KIAA0825: variants seen among roughly 807,000 people sequenced by gnomAD.
The protein encoded by KIAA0825 is uncharacterized protein KIAA0825.
Under a neutral mutation model 147.6 loss-of-function variants are expected in KIAA0825, and 119 were observed. That is an observed-to-expected ratio of 0.81 (90% CI 0.69 to 0.94). KIAA0825 has a LOEUF of 0.94. Ranked by LOEUF, KIAA0825 falls within the 40% of genes least tolerant of loss-of-function variation. The pLI, the probability that KIAA0825 is intolerant of heterozygous loss-of-function variation, is 0.00. For synonymous variants in KIAA0825, 470 were observed against 518.1 expected (o/e 0.91, Z 1.26); for missense variants, 1,381 against 1,472.7 (o/e 0.94, Z 1.02).
In KIAA0825 at chr5:94,417,374, G is replaced by T; in HGVS notation, c.2498-9C>A. 1 of 1,537,584 alleles carries T rather than the reference G, an allele frequency of 6.5e-7. No individual in the cohort carries two copies. The highest frequency in any genetic ancestry group is 8.8e-7 in the Non-Finnish European group (1 of 1,136,398). On this transcript the variant is annotated splice_polypyrimidine_tract_variant and intron_variant, in intron 14 of 20. Coordinates refer to ENST00000682413, the MANE Select transcript of KIAA0825 (RefSeq NM_001145678.3). ...TGTGTCGGAAACTTGTTCTTGAAAG[G>T]TACGTTCTTGAAAGGAATCAAAATG...
At chr5:94,211,944 A>C (rs1231920592) in intron 20 of KIAA0825, among the ~76,000 whole-genome samples, 1 of 152,188 alleles carries the variant, frequency 6.6e-6, no homozygotes, top group East Asian at 1.9e-4. Context: ...CTGAATAAAC[A>C]CTGGCAAGTT....
At chr5:94,186,336 T>C (rs1770117111) in intron 20 of KIAA0825, among the ~76,000 whole-genome samples, 1 of 152,186 alleles carries the variant, frequency 6.6e-6, no homozygotes. Flanking sequence ...TAGGATAGTA[T>C]AGATGATTTT....
chr5:94,532,201 G>A (rs766357717), intron 3 of KIAA0825, among the ~76,000 whole-genome samples: 1 of 151,916 alleles, frequency 6.6e-6, no homozygotes, highest in Non-Finnish European at 1.5e-5. Context: ...AGGCGGTAGC[G>A]CAGTGGTGCA....
At chr5:94,535,493 CAAAAAAAAAAAAA>C (rs11362220) in intron 3 of KIAA0825, among the ~76,000 whole-genome samples, 1 of 32,150 alleles carries the variant, frequency 3.1e-5, no homozygotes, top group Non-Finnish European at 6.7e-5. Context: ...CTGGGTGACT[CAAAAAAAAAAAAA>C]AAAAAAAAAA....
chr5:94,559,852 T>C (rs1034963433), intron 2 of KIAA0825, among the ~76,000 whole-genome samples: 7 of 152,190 alleles, frequency 4.6e-5, no homozygotes, highest in South Asian at 2.1e-4. Flanking sequence ...CCACAAAATA[T>C]ATTTCATATT....
intron 18 of KIAA0825, among the ~76,000 whole-genome samples, chr5:94,388,029 T>G (rs1562446588): frequency 6.6e-6 from 1 of 152,226 alleles, no homozygotes; most frequent in Non-Finnish European, 1.5e-5. Context: ...GCAATCTTTT[T>G]AGCACCAGGG....
intron 2 of KIAA0825, among the ~76,000 whole-genome samples, chr5:94,579,308 T>G (rs1584949133): frequency 6.6e-6 from 1 of 152,230 alleles, no homozygotes; most frequent in South Asian, 2.1e-4. Context: ...CGTAAACGAG[T>G]GAGAACATTA....
intron 20 of KIAA0825, among the ~76,000 whole-genome samples, chr5:94,293,212 A>G (rs916750102): frequency 5.9e-5 from 9 of 152,136 alleles, no homozygotes; most frequent in African/African-American, 2.2e-4. Flanking sequence ...TAGGGTATCA[A>G]TTTTAGATCT....
chr5:94,507,976 G>A (rs944263300), intron 5 of KIAA0825, among the ~76,000 whole-genome samples: 5 of 152,148 alleles, frequency 3.3e-5, no homozygotes, highest in African/African-American at 1.2e-4. Flanking sequence ...TTGTAATAAT[G>A]CTGTATTTAT....
chr5:94,565,095 C>CTTTTTT lies in KIAA0825; in HGVS notation c.-2+17332_-2+17337dup, dbSNP rs1176429699. Reference sequence around the variant, plus strand: ...CTCTTTCTCTCTCTTTCTTGCTTTCCTTTTTTTTTTTTTTTTTTGGTAGAG... The same window carrying CTTTTTT: ...CTCTTTCTCTCTCTTTCTTGCTTTCCTTTTTTTTTTTTTTTTTTTTTTTTGGTAGAG... On this transcript the variant is annotated intron_variant, in intron 2 of 20. Transcript: ENST00000682413. Among the ~76,000 whole-genome samples the CTTTTTT allele has an allele frequency of 2.3e-4, 12 of 52,924 alleles. 2 individuals are homozygous for CTTTTTT. Among genetic ancestry groups the CTTTTTT allele is most frequent in the Non-Finnish European group, 2.9e-4 (8 of 27,324 alleles). 34.7% of individuals were successfully genotyped at this position (52,924 alleles called of 152,430 possible).
At chr5:94,418,667 C>T (rs1562478749) in intron 14 of KIAA0825, among the ~76,000 whole-genome samples, 1 of 152,010 alleles carries the variant, frequency 6.6e-6, no homozygotes, top group African/African-American at 2.4e-5. Flanking sequence ...GCAGTGTTCT[C>T]TTTCTACTGG....
intron 20 of KIAA0825, among the ~76,000 whole-genome samples, chr5:94,330,889 C>T (rs1246495074): frequency 1.3e-5 from 2 of 152,020 alleles, no homozygotes; most frequent in Non-Finnish European, 2.9e-5. Context: ...AATCCCAGCA[C>T]TTTGGGAGGC....
chr5:94,265,529 T>C (rs1415176152), intron 20 of KIAA0825, among the ~76,000 whole-genome samples: 1 of 152,208 alleles, frequency 6.6e-6, no homozygotes, highest in Non-Finnish European at 1.5e-5. Flanking sequence ...CCAGGTGCGG[T>C]GGCTTACACC....
chr5:94,438,339 C>A (rs908361885), intron 14 of KIAA0825, among the ~76,000 whole-genome samples: 6 of 152,162 alleles, frequency 3.9e-5, no homozygotes, highest in African/African-American at 1.2e-4. Flanking sequence ...AAATGCTTAG[C>A]ATAGTGCTTG....
At chr5:94,415,062 A>T (rs1753270769) in intron 15 of KIAA0825, 1 of 152,206 alleles carries the variant, frequency 6.6e-6, no homozygotes, top group Non-Finnish European at 1.5e-5. Flanking sequence ...TCTTGTGCTA[A>T]GTCTTGTCCA....
chr5:94,589,695 T>C (rs1483423790), intron 1 of KIAA0825, among the ~76,000 whole-genome samples: 1 of 152,192 alleles, frequency 6.6e-6, no homozygotes, highest in South Asian at 2.1e-4. Context: ...TTTGTATATA[T>C]GTATTATGTG....
intron 20 of KIAA0825, among the ~76,000 whole-genome samples, chr5:94,220,336 C>T (rs1368346467): frequency 6.6e-6 from 1 of 152,080 alleles, no homozygotes; most frequent in Non-Finnish European, 1.5e-5. Flanking sequence ...CCTGAAGGAT[C>T]CACCTAAGGC....
rs529684683 is a variant in KIAA0825, at chr5:94,280,430, A to G, written c.3710+103938T>C. Among the ~76,000 whole-genome samples, 9 of 152,232 alleles carry G rather than the reference A, an allele frequency of 5.9e-5. No individual in the cohort carries two copies. In the South Asian group the frequency reaches 1.7e-3, roughly 28 times the overall value. On this transcript the variant is annotated intron_variant, in intron 20 of 20. Transcript: ENST00000682413. ...ACATGGATCAATTCAGTATTCATCT[A>G]TCATGAGTACTTGGCATGACACACT...
chr5:94,428,500 T>C (rs1755210727), intron 14 of KIAA0825, among the ~76,000 whole-genome samples: 1 of 152,190 alleles, frequency 6.6e-6, no homozygotes, highest in South Asian at 2.1e-4. Flanking sequence ...CTCCTTTGTT[T>C]GTGAAGCTTA....
Sources: gnomAD v4.1 joint callset for allele counts (sites outside exome capture counted in the v4.1 genomes callset) on GRCh38, gnomAD v4.1.1 for gene constraint, MANE v1.5 for transcripts, NCBI Gene and HGNC (gene_info 2026-07-23, HGNC 2026-07-21) for gene names.